The following PCDHA3 variants were observed in gnomAD, a reference collection of about 807,000 sequenced individuals.
The protein encoded by PCDHA3 is protocadherin alpha-3.
A neutral mutation model predicts 62.2 loss-of-function variants in PCDHA3; 41 were observed. The observed-to-expected ratio is 0.66, with a 90% CI of 0.51 to 0.86. The LOEUF (loss-of-function observed/expected upper bound fraction) is 0.86, where lower values mean the gene tolerates loss of function less well. PCDHA3 is among the 40% of genes least tolerant of loss of function. The probability of loss-of-function intolerance (pLI) is 0.00; values close to 1 mark genes in which losing one functional copy is unlikely to be tolerated. For missense variants in PCDHA3, 1,304 were observed against 1,241.2 expected (o/e 1.05, Z -0.76); for synonymous variants, 640 against 555.4 (o/e 1.15, Z -2.14).
At chr5:140,828,289 G>A in intron 1 of PCDHA3, 1 of 1,614,116 alleles carries the variant, frequency 6.2e-7, no homozygotes, top group Non-Finnish European at 8.5e-7. Flanking sequence ...TGTTCAGGAT[G>A]GCCTCCAAAG....
At chr5:140,870,606 C>T (rs781958673) in intron 1 of PCDHA3, 24 of 1,613,142 alleles carry the variant, frequency 1.5e-5, no homozygotes, top group Non-Finnish European at 3.4e-6. Flanking sequence ...TGGGCGACCG[C>T]GCGCTGTCGA....
chr5:140,955,839 A>G (rs527318905), intron 1 of PCDHA3, among the ~76,000 whole-genome samples: 8 of 152,162 alleles, frequency 5.3e-5, no homozygotes, highest in African/African-American at 1.9e-4. Flanking sequence ...GTGGTTTGTC[A>G]TTCTCCTTGA....
chr5:140,823,446 G>A, intron 1 of PCDHA3: 1 of 1,613,446 alleles, frequency 6.2e-7, no homozygotes, highest in South Asian at 1.1e-5. Flanking sequence ...TGCTGGACGA[G>A]AACGACAACG....
intron 1 of PCDHA3, chr5:140,807,983 G>A (rs782039700): frequency 1.9e-6 from 3 of 1,613,482 alleles, no homozygotes; most frequent in East Asian, 2.2e-5. Flanking sequence ...TAAACTTAAC[G>A]CCTCAGATTT....
At chr5:140,850,446 G>C in intron 1 of PCDHA3, 1 of 1,598,030 alleles carries the variant, frequency 6.3e-7, no homozygotes, top group South Asian at 1.1e-5. Context: ...ACTGGTGCTG[G>C]TGAAAGACCA....
intron 1 of PCDHA3, among the ~76,000 whole-genome samples, chr5:140,943,277 AGAAAG>A (rs797041544): frequency 8.1e-4 from 104 of 129,164 alleles, no homozygotes; most frequent in African/African-American, 3.0e-3. Context: ...AAAAAAAAAA[AGAAAG>A]AAAGAATTAA....
At chr5:140,866,876 T>A (rs1554160645) in intron 1 of PCDHA3, 2 of 152,134 alleles carry the variant, frequency 1.3e-5, no homozygotes, top group African/African-American at 4.8e-5. Context: ...CTTCTTGGTA[T>A]TAGCCTATAC....
chr5:140,901,852 T>G (rs1184166361), intron 1 of PCDHA3, among the ~76,000 whole-genome samples: 3 of 152,206 alleles, frequency 2.0e-5, no homozygotes, highest in Non-Finnish European at 4.4e-5. Flanking sequence ...TCTTTCCATT[T>G]TTTTGTGTCC....
intron 1 of PCDHA3, among the ~76,000 whole-genome samples, chr5:140,950,273 T>G (rs1218178621): frequency 6.6e-5 from 10 of 152,008 alleles, no homozygotes; most frequent in African/African-American, 1.9e-4. Flanking sequence ...CCATAATGTC[T>G]TTTTGCTTCA....
chr5:141,005,333 A>T (rs1554260005), intron 3 of PCDHA3, among the ~76,000 whole-genome samples: 1 of 152,224 alleles, frequency 6.6e-6, no homozygotes, highest in Non-Finnish European at 1.5e-5. Flanking sequence ...TAATAGGCCA[A>T]GGGGGTGCTG....
At chr5:141,007,161 G>C (rs2098308747) in intron 3 of PCDHA3, among the ~76,000 whole-genome samples, 1 of 152,146 alleles carries the variant, frequency 6.6e-6, no homozygotes, top group Non-Finnish European at 1.5e-5. Context: ...TCAAAGAACA[G>C]TCAGAGAGAA....
At chr5:140,869,170 T>C in intron 1 of PCDHA3, 3 of 1,613,920 alleles carry the variant, frequency 1.9e-6, no homozygotes, top group Non-Finnish European at 2.5e-6. Context: ...CCTCCTCGAA[T>C]TCTGGGAGGT....
At chr5:140,832,690 A>T (rs1294300661) in intron 1 of PCDHA3, among the ~76,000 whole-genome samples, 1 of 152,324 alleles carries the variant, frequency 6.6e-6, no homozygotes, top group South Asian at 2.1e-4. Flanking sequence ...AATTAACAAG[A>T]CCTGGCTTCA....
chr5:140,968,801 G>T, intron 1 of PCDHA3: 1 of 1,614,216 alleles, frequency 6.2e-7, no homozygotes, highest in Non-Finnish European at 8.5e-7. Context: ...CATTACAGTA[G>T]CTGTGGTGGA....
Position 140,841,359 on chromosome 5 carries a change from G to T in PCDHA3, c.2394+37768G>T, listed in dbSNP as rs2150314214. 1.2e-5 allele frequency: 20 copies of T among 1,613,174 alleles called. No homozygotes were observed. Among genetic ancestry groups the T allele is most frequent in the Non-Finnish European group, 1.6e-5 (19 of 1,179,474 alleles). On this transcript the variant is annotated intron_variant, in intron 1 of 3. Transcript: ENST00000522353. Reference sequence around the variant, plus strand: ...TGGCGAGGAGAGCTGGGATCCTGGCGACTACTACTCTTGCTTCTGCTCCTC... The same window carrying T: ...TGGCGAGGAGAGCTGGGATCCTGGCTACTACTACTCTTGCTTCTGCTCCTC...
rs1770571221 is a variant in PCDHA3 at position 140,829,790 on chromosome 5, G to C, written c.2394+26199G>C. On this transcript the variant is annotated intron_variant, in intron 1 of 3. Transcript: ENST00000522353. ...GAACGACAACGCGCCGGCGCTGCTG[G>C]CGCCTCGGGTGGGTGGTACTGGTGG... 4 of 1,613,718 alleles carry C rather than the reference G, an allele frequency of 2.5e-6. No individual in the cohort carries two copies. In the East Asian group the frequency reaches 8.9e-5, roughly 36 times the overall value.
chr5:140,850,804 T>G (rs2150498986), intron 1 of PCDHA3: 1 of 1,598,410 alleles, frequency 6.3e-7, no homozygotes, highest in Admixed American at 1.7e-5. Flanking sequence ...ACCGACCTCA[T>G]GGCCTTCAGC....
chr5:140,851,353 G>A, intron 1 of PCDHA3: 1 of 976,274 alleles, frequency 1.0e-6, no homozygotes, highest in Non-Finnish European at 1.2e-6. Context: ...TCTGGATGGA[G>A]ACTGTGAACA....
At chr5:140,957,397 A>C (rs553656426) in intron 1 of PCDHA3, among the ~76,000 whole-genome samples, 1 of 152,282 alleles carries the variant, frequency 6.6e-6, no homozygotes, top group South Asian at 2.1e-4. Context: ...AATTGTCCTA[A>C]TTTATTATTA....
Sources: gnomAD v4.1 joint callset for allele counts (sites outside exome capture counted in the v4.1 genomes callset) on GRCh38, gnomAD v4.1.1 for gene constraint, MANE v1.5 for transcripts, NCBI Gene and HGNC (gene_info 2026-07-23, HGNC 2026-07-21) for gene names.